MACROD2: variants seen among roughly 807,000 people sequenced by gnomAD.
The protein encoded by MACROD2 is ADP-ribose glycohydrolase MACROD2.
A neutral mutation model predicts 70.4 loss-of-function variants in MACROD2; 36 were observed. The observed-to-expected ratio is 0.51, with a 90% CI of 0.39 to 0.68. The LOEUF (loss-of-function observed/expected upper bound fraction) is 0.68. MACROD2 is among the 30% of genes least tolerant of loss of function. The pLI, the probability that MACROD2 is intolerant of heterozygous loss-of-function variation, is 0.00. For synonymous variants in MACROD2, 172 were observed against 178.8 expected, an observed-to-expected ratio of 0.96 and a Z score of 0.30; for missense variants, 496 against 538.4, an observed-to-expected ratio of 0.92 and a Z score of 0.78.
chr20:14,734,423 C>T (rs1264557102), intron 5 of MACROD2, among the ~76,000 whole-genome samples: 1 of 146,888 alleles, frequency 6.8e-6, no homozygotes, highest in African/African-American at 2.5e-5. Flanking sequence ...ATGGAGTGAA[C>T]CTGGGAGGTG....
chr20:14,572,963 T>C (rs1980307493), intron 4 of MACROD2, among the ~76,000 whole-genome samples: 1 of 151,718 alleles, frequency 6.6e-6, no homozygotes, highest in South Asian at 2.1e-4. Context: ...GTTAGGCTTG[T>C]TTACATGCAC....
chr20:14,173,231 T>C (rs1442734179), intron 3 of MACROD2, among the ~76,000 whole-genome samples: 2 of 152,230 alleles, frequency 1.3e-5, no homozygotes, highest in Non-Finnish European at 2.9e-5. Flanking sequence ...TCAAATATGT[T>C]TTCCAAACTT....
At chr20:14,431,603 G>T (rs2083995664) in intron 3 of MACROD2, among the ~76,000 whole-genome samples, 1 of 152,134 alleles carries the variant, frequency 6.6e-6, no homozygotes, top group Admixed American at 6.6e-5. Context: ...AATTAGGGAA[G>T]TTTATTAATA....
chr20:15,946,079 C>G (rs1439859159), intron 12 of MACROD2, among the ~76,000 whole-genome samples: 1 of 152,128 alleles, frequency 6.6e-6, no homozygotes, highest in Non-Finnish European at 1.5e-5. Context: ...ACAGAAACCT[C>G]CAGTCATGCC....
chr20:15,330,427 G>A (rs558686182), intron 6 of MACROD2, among the ~76,000 whole-genome samples: 15 of 151,502 alleles, frequency 9.9e-5, no homozygotes, highest in Admixed American at 2.0e-4. Flanking sequence ...CCATGAAAAC[G>A]GATGGAAAAT....
intron 8 of MACROD2, among the ~76,000 whole-genome samples, chr20:15,733,084 C>T (rs2143553): frequency 0.76 from 115,480 of 152,062 alleles, 44,444 homozygotes; most frequent in Middle Eastern, 0.83. Context: ...TCTAAGTTGT[C>T]CATTACATCT....
At chr20:14,548,325 A>G (rs1978402810) in intron 4 of MACROD2, among the ~76,000 whole-genome samples, 1 of 152,282 alleles carries the variant, frequency 6.6e-6, no homozygotes, top group South Asian at 2.1e-4. Flanking sequence ...TTATAAACTC[A>G]GATTTACATT....
intron 15 of MACROD2, among the ~76,000 whole-genome samples, chr20:16,036,862 A>G (rs188973398): frequency 6.6e-6 from 1 of 152,108 alleles, no homozygotes; most frequent in East Asian, 1.9e-4. Flanking sequence ...TATGCATCAT[A>G]TTCACAGTGC....
intron 8 of MACROD2, among the ~76,000 whole-genome samples, chr20:15,782,717 C>CAAAAAAAAAAAAAAGAAAAAA (rs2051854728): frequency 1.2e-5 from 1 of 83,358 alleles, no homozygotes; most frequent in Admixed American, 1.4e-4. Context: ...AGAGAAATGG[C>CAAAAAAAAAAAAAAGAAAAAA]AAAAAAAAAA....
At chr20:14,711,216 A>T (rs867801750) in intron 5 of MACROD2, among the ~76,000 whole-genome samples, 6 of 152,096 alleles carry the variant, frequency 3.9e-5, no homozygotes, top group African/African-American at 1.4e-4. Context: ...GCCATCTTTG[A>T]TTTATTGGAA....
chr20:14,972,474 T>C (rs1216573676), intron 5 of MACROD2, among the ~76,000 whole-genome samples: 1 of 152,210 alleles, frequency 6.6e-6, no homozygotes, highest in African/African-American at 2.4e-5. Flanking sequence ...TCAGCAGCAC[T>C]ACAACACTTT....
At chr20:14,932,651 C>T (rs536009638) in intron 5 of MACROD2, among the ~76,000 whole-genome samples, 286 of 152,204 alleles carry the variant, frequency 1.9e-3, no homozygotes, top group Non-Finnish European at 2.5e-3. Context: ...CCACAACCTC[C>T]GCCTCACAGG....
intron 8 of MACROD2, among the ~76,000 whole-genome samples, chr20:15,828,339 G>A (rs1213262138): frequency 6.6e-6 from 1 of 152,090 alleles, no homozygotes; most frequent in African/African-American, 2.4e-5. Flanking sequence ...TTGGTGATAA[G>A]TGTTTACAAC....
intron 5 of MACROD2, among the ~76,000 whole-genome samples, chr20:15,013,702 C>G (rs76212645): frequency 6.6e-6 from 1 of 152,050 alleles, no homozygotes. Flanking sequence ...CCTCTGCCCA[C>G]TCCTGCTTCT....
At chr20:14,400,581 C>T (rs2083627274) in intron 3 of MACROD2, among the ~76,000 whole-genome samples, 1 of 152,100 alleles carries the variant, frequency 6.6e-6, no homozygotes, top group African/African-American at 2.4e-5. Context: ...ACTCCATTTC[C>T]TCAACTTTAA....
intron 6 of MACROD2, among the ~76,000 whole-genome samples, chr20:15,393,473 A>T (rs1379275132): frequency 2.6e-5 from 4 of 151,846 alleles, no homozygotes; most frequent in African/African-American, 9.7e-5. Flanking sequence ...AGTTTCATAA[A>T]TTTTTCCTTT....
chr20:15,630,979 C>T (rs1272699878), intron 8 of MACROD2, among the ~76,000 whole-genome samples: 4 of 152,182 alleles, frequency 2.6e-5, no homozygotes, highest in Admixed American at 1.3e-4. Context: ...CTTAACAGAT[C>T]ATTGTAGATA....
intron 5 of MACROD2, among the ~76,000 whole-genome samples, chr20:14,801,673 T>G (rs2072577337): frequency 6.6e-6 from 1 of 152,090 alleles, no homozygotes; most frequent in Non-Finnish European, 1.5e-5. Flanking sequence ...CCTAGTCAAC[T>G]GTGCAGACTG....
intron 3 of MACROD2, among the ~76,000 whole-genome samples, chr20:14,295,480 C>T (rs2082419232): frequency 6.6e-6 from 1 of 151,394 alleles, no homozygotes; most frequent in African/African-American, 2.4e-5. Context: ...GCCCAGCCAA[C>T]TCACTGAATT....
Sources: allele counts gnomAD v4.1 joint callset (sites outside exome capture counted in the v4.1 genomes callset), GRCh38; gene constraint gnomAD v4.1.1; transcripts MANE v1.5; gene names NCBI Gene and HGNC (gene_info 2026-07-23, HGNC 2026-07-21).